SPNS2: variants seen among roughly 807,000 people sequenced by gnomAD.
SPNS2 encodes the protein sphingosine-1-phosphate transporter SPNS2.
A neutral mutation model predicts 57.6 loss-of-function variants in SPNS2; 37 were observed. The observed-to-expected ratio is 0.64, with a 90% CI of 0.49 to 0.85. SPNS2 has a LOEUF of 0.85. Among genes scored for constraint, SPNS2 ranks in the 40% least tolerant of loss-of-function variants. SPNS2 has a pLI of 0.00. For synonymous variants in SPNS2, 440 were observed against 346.9 expected, an observed-to-expected ratio of 1.27 and a Z score of -2.98; for missense variants, 831 against 779.1, an observed-to-expected ratio of 1.07 and a Z score of -0.79.
intron 5 of SPNS2, 57 bp downstream of exon 5, chr17:4,531,176 G>A: frequency 6.4e-7 from 1 of 1,563,556 alleles, no homozygotes. Flanking sequence ...TCGCCCCAGG[G>A]TTGCCCAGAG....
At chr17:4,523,536 G>A (rs1291967967) in intron 2 of SPNS2, among the ~76,000 whole-genome samples, 2 of 152,130 alleles carry the variant, frequency 1.3e-5, no homozygotes, top group Non-Finnish European at 2.9e-5. Flanking sequence ...GGGAGGCCGA[G>A]GCAGGTGGAT....
At position 4,499,934 on chromosome 17, in the gene SPNS2, G is replaced by A. The variant is rs1904422180; in HGVS notation, c.370+517G>A. ...GGTGTGCGCTAGGGAGACCGGGTGT[G>A]TGTGCGCGTGGCGGCGCGGTTGTGT... On this transcript the variant is annotated intron_variant, in intron 1 of 12. Transcript: ENST00000329078. This position sits in a 1 kb window ranked among gnomAD's most constrained non-coding sequence, Gnocchi z 5.2. 2.0e-5 allele frequency among the ~76,000 whole-genome samples: 3 copies of A among 152,316 alleles called. No homozygotes were observed. Among genetic ancestry groups the A allele is most frequent in the Admixed American group, 1.3e-4 (2 of 15,302 alleles).
chr17:4,533,932 G>GTTT, intron 9 of SPNS2, 79 bp downstream of exon 9: 1 of 916,428 alleles, frequency 1.1e-6, no homozygotes, highest in Non-Finnish European at 1.7e-6. Flanking sequence ...GGGAGGGCGG[G>GTTT]TGAAGGGGCG....
chr17:4,525,912 G>C (rs1366170859), intron 3 of SPNS2, among the ~76,000 whole-genome samples: 1 of 152,206 alleles, frequency 6.6e-6, no homozygotes, highest in Non-Finnish European at 1.5e-5. Flanking sequence ...CTGTTGCCTT[G>C]TGAGGTAGTG....
At chr17:4,534,620 C>T (rs369571936) in intron 9 of SPNS2, among the ~76,000 whole-genome samples, 3 of 151,870 alleles carry the variant, frequency 2.0e-5, no homozygotes, top group Non-Finnish European at 4.4e-5. Flanking sequence ...GCACTGCGGC[C>T]CCTGCACTTC....
In SPNS2 at chr17:4,538,866, G is replaced by T. The variant is rs893365962; in HGVS notation, c.*1418G>T. On this transcript the variant is annotated 3_prime_UTR_variant, in exon 13 of 13. Transcript: ENST00000329078. The stretch of plus-strand genomic sequence containing the variant: ...CCACTCCAGCCTCAGCGGGGCCCCA[G>T]CGATGTTTTCTTGTTGTACAAGAAC... 28 of 780,720 alleles carry T rather than the reference G, an allele frequency of 3.6e-5. No individual in the cohort carries two copies. Among genetic ancestry groups the T allele is most frequent in the Non-Finnish European group, 5.7e-5 (24 of 418,072 alleles). The allele number at this position is 780,720 out of a possible 1,614,324, so 48.4% of individuals were successfully genotyped here. A position where few individuals can be genotyped will look rare whatever the true frequency, so the allele number is the denominator to read the frequency against.
intron 11 of SPNS2, 81 bp downstream of exon 11, chr17:4,536,507 TG>T: frequency 7.0e-7 from 1 of 1,419,192 alleles, no homozygotes. Context: ...TGCCCTGGGG[TG>T]GGGCGGGGAG....
At position 4,536,430 on chromosome 17, in the gene SPNS2, A is replaced by T; in HGVS notation, c.1607+4A>T. The T allele has an allele frequency of 1.3e-6, 2 of 1,492,588 alleles. No homozygotes were observed. The highest frequency in any genetic ancestry group is 1.8e-6 in the Non-Finnish European group (2 of 1,107,948). The allele number at this position is 1,492,588 out of a possible 1,614,324, so 92.5% of individuals were successfully genotyped here. A position where few individuals can be genotyped will look rare whatever the true frequency, so the allele number is the denominator to read the frequency against. ...ACCGCGCCAGGGCTGAGCAGCAGTG[A>T]GTGGGGGGGAGGGGAGGCCCTGCTG... On this transcript the variant is annotated splice_donor_region_variant and intron_variant, in intron 11 of 12. Transcript: ENST00000329078.
chr17:4,533,673 G>C (rs941038544), intron 8 of SPNS2, 115 bp from the exon 9 acceptor site: 1 of 1,240,682 alleles, frequency 8.1e-7, no homozygotes, highest in African/African-American at 1.5e-5. Context: ...TGTGGGCCCG[G>C]GAGGGGTGTG....
Position 4,537,831 on chromosome 17 carries a change from C to T in SPNS2, c.*383C>T. 2.2e-6 allele frequency: 1 copy of T among 454,976 alleles called. No individual in the cohort carries two copies. 28.2% of individuals were successfully genotyped at this position (454,976 alleles called of 1,614,324 possible). ...GAAGGGCCAGGGGGCTGGACTTTCC[C>T]ACACAACTTGCTGGGCAAAGCACGA... On this transcript the variant is annotated 3_prime_UTR_variant, in exon 13 of 13. Coordinates refer to ENST00000329078, the MANE Select transcript of SPNS2 (RefSeq NM_001124758.3).
At chr17:4,519,616 A>G (rs1264562315) in intron 2 of SPNS2, among the ~76,000 whole-genome samples, 1 of 1,124 alleles carries the variant, frequency 8.9e-4, no homozygotes, top group African/African-American at 2.8e-3. Flanking sequence ...CACACCCTCC[A>G]CAGGATGTCC....
At chr17:4,519,554 C>T (rs1471816739) in intron 2 of SPNS2, among the ~76,000 whole-genome samples, 2 of 152,182 alleles carry the variant, frequency 1.3e-5, no homozygotes, top group South Asian at 2.1e-4. Context: ...CCTGCCCGCT[C>T]GGCCCTGGCT....
intron 9 of SPNS2, 29 bp from the exon 10 acceptor site, chr17:4,536,047 G>A (rs1402500949): frequency 6.3e-7 from 1 of 1,598,102 alleles, no homozygotes; most frequent in Admixed American, 1.7e-5. Flanking sequence ...TTTCTCCTCT[G>A]GCCGCTGACC....
Position 4,537,677 on chromosome 17 carries a change from C to T in SPNS2, c.*229C>T, listed in dbSNP as rs1018445955. On this transcript the variant is annotated 3_prime_UTR_variant, in exon 13 of 13. Coordinates refer to ENST00000329078, the MANE Select transcript of SPNS2 (RefSeq NM_001124758.3). Reference sequence around the variant, plus strand: ...TGGAGCCACACGGTTGGACAGGTTCCCAGCCCTAGGTTTGGGCCGCAGGGC... The same window carrying T: ...TGGAGCCACACGGTTGGACAGGTTCTCAGCCCTAGGTTTGGGCCGCAGGGC... The T allele has an allele frequency of 6.4e-5, 29 of 456,658 alleles. No homozygotes were observed. The highest frequency in any genetic ancestry group is 9.7e-5 in the Non-Finnish European group (22 of 226,974). The allele number at this position is 456,658 out of a possible 1,614,324, so 28.3% of individuals were successfully genotyped here.
chr17:4,522,797 C>G (rs552735171), intron 2 of SPNS2, among the ~76,000 whole-genome samples: 110 of 152,364 alleles, frequency 7.2e-4, no homozygotes, highest in African/African-American at 2.5e-3. Flanking sequence ...AGGGTCCACC[C>G]TACCTTGCTC....
At chr17:4,534,609 G>C (rs982038584) in intron 9 of SPNS2, among the ~76,000 whole-genome samples, 1 of 152,128 alleles carries the variant, frequency 6.6e-6, no homozygotes. Context: ...GAGTGTGCCA[G>C]GCACTGCGGC....
chr17:4,523,766 C>T (rs1905198837), intron 2 of SPNS2, among the ~76,000 whole-genome samples: 1 of 152,134 alleles, frequency 6.6e-6, no homozygotes, highest in Non-Finnish European at 1.5e-5. Context: ...TCGTGGCATC[C>T]ACTTGCTCTC....
chr17:4,533,236 C>T lies in SPNS2; in HGVS notation c.1089-7C>T. 6.3e-7 allele frequency: 1 copy of T among 1,593,944 alleles called. No homozygotes were observed. Among genetic ancestry groups the T allele is most frequent in the Non-Finnish European group, 8.6e-7 (1 of 1,167,208 alleles). ...AACTCGTGCGCCACCATCCTCTGTC[C>T]CCACAGCCTCATCTTTGGGGCCATC... On this transcript the variant is annotated splice_polypyrimidine_tract_variant and splice_region_variant and intron_variant, in intron 7 of 12. Coordinates refer to ENST00000329078, the MANE Select transcript of SPNS2 (RefSeq NM_001124758.3).
chr17:4,531,255 C>G, intron 5 of SPNS2, 136 bp downstream of exon 5: 1 of 784,204 alleles, frequency 1.3e-6, no homozygotes, highest in South Asian at 1.6e-5. Flanking sequence ...GAAATCCCTG[C>G]CCTTCCAGAT....
Sources: allele counts gnomAD v4.1 joint callset (sites outside exome capture counted in the v4.1 genomes callset), GRCh38; gene constraint gnomAD v4.1.1; non-coding constraint Gnocchi (gnomAD v3.1); transcripts MANE v1.5; gene names NCBI Gene and HGNC (gene_info 2026-07-23, HGNC 2026-07-21).